COX6C: variants seen among roughly 807,000 people sequenced by gnomAD.
COX6C encodes the protein cytochrome c oxidase polypeptide VIc.
COX6C carries 3 observed loss-of-function variants against 6.9 expected under a neutral mutation model. The ratio of observed to expected loss-of-function variants is 0.43; its 90% CI spans 0.20 to 1.12. The LOEUF (loss-of-function observed/expected upper bound fraction) is 1.12, where lower values mean the gene tolerates loss of function less well. Among genes scored for constraint, COX6C ranks in the 50% most tolerant of loss-of-function variants. The probability of loss-of-function intolerance (pLI) is 0.27; values close to 1 mark genes in which losing one functional copy is unlikely to be tolerated. For missense variants in COX6C, 101 were observed against 97.3 expected, an observed-to-expected ratio of 1.04 and a Z score of -0.16; for synonymous variants, 32 against 32.0, an observed-to-expected ratio of 1.00 and a Z score of 0.00.
chr8:99,883,326 GCCT>G (rs1303539364), intron 3 of COX6C, among the ~76,000 whole-genome samples: 2 of 151,770 alleles, frequency 1.3e-5, no homozygotes, highest in Non-Finnish European at 2.9e-5. Context: ...TGAACCTCCT[GCCT>G]CAGCCTCCCA....
chr8:99,891,833 G>C, intron 2 of COX6C, 75 bp downstream of exon 2: 1 of 1,238,982 alleles, frequency 8.1e-7, no homozygotes, highest in Non-Finnish European at 1.2e-6. Flanking sequence ...TTACAAGGGG[G>C]AGTTTCTTTA....
rs1818058467 is a variant in COX6C, at chr8:99,891,910, T to G, written c.112A>C (p.Lys38Gln). The G allele has an allele frequency of 6.2e-7, 1 of 1,613,698 alleles. No homozygotes were observed. Among genetic ancestry groups the G allele is most frequent in the Admixed American group, 1.7e-5 (1 of 59,990 alleles). ...VLSLGVAALY[K>Q]FRVADQRKKA... ...CACAAAGTAAAAAACATACATACCT[T>G]ATACAAAGCTGCAACCCCCAGGGAT... The change falls in exon 2 of 4, where the codon AAG (lysine) becomes CAG (glutamine). Residue 38 changes from lysine to glutamine, a missense_variant and splice_region_variant. By Grantham distance (53) the Lys-to-Gln change is moderately conservative. Coordinates refer to ENST00000520468, the MANE Select transcript of COX6C (RefSeq NM_004374.4).
intron 3 of COX6C, among the ~76,000 whole-genome samples, chr8:99,883,437 G>C (rs937741284): frequency 7.5e-6 from 1 of 133,042 alleles, no homozygotes; most frequent in East Asian, 2.0e-4. Context: ...ATATGTATGT[G>C]TGTGTGTGTG....
chr8:99,885,057 GA>G (rs1817925911), intron 3 of COX6C, among the ~76,000 whole-genome samples: 1 of 152,184 alleles, frequency 6.6e-6, no homozygotes, highest in South Asian at 2.1e-4. Context: ...TGGGGTGAAA[GA>G]AAGAACAAAG....
chr8:99,888,438 G>A (rs1034177099), intron 2 of COX6C, among the ~76,000 whole-genome samples: 1 of 152,082 alleles, frequency 6.6e-6, no homozygotes, highest in Non-Finnish European at 1.5e-5. Context: ...AGGCATGGTG[G>A]TGGGCACCTG....
At chr8:99,888,124 A>T (rs1021359635) in intron 2 of COX6C, among the ~76,000 whole-genome samples, 1 of 148,624 alleles carries the variant, frequency 6.7e-6, no homozygotes, top group African/African-American at 2.5e-5. Context: ...ATAAAAAATA[A>T]AAAAAAAATA....
chr8:99,890,928 T>C (rs907601022), intron 2 of COX6C, among the ~76,000 whole-genome samples: 5 of 152,202 alleles, frequency 3.3e-5, no homozygotes, highest in African/African-American at 1.2e-4. Context: ...TAATAAAAAA[T>C]GCTACAAAAT....
intron 3 of COX6C, among the ~76,000 whole-genome samples, chr8:99,883,345 C>T (rs1425458295): frequency 6.6e-6 from 1 of 151,918 alleles, no homozygotes; most frequent in African/African-American, 2.4e-5. Flanking sequence ...TCCCAAGTAA[C>T]TGAGACTACA....
At chr8:99,887,322 G>T (rs1254620137) in intron 3 of COX6C, 168 bp downstream of exon 3, 1 of 465,466 alleles carries the variant, frequency 2.1e-6, no homozygotes, top group South Asian at 3.3e-5. Context: ...TGCTCATGTG[G>T]ACAAAGATCA....
intron 2 of COX6C, among the ~76,000 whole-genome samples, chr8:99,887,888 A>G (rs1817967840): frequency 6.6e-6 from 1 of 152,136 alleles, no homozygotes. Context: ...GGTTCAACAG[A>G]GAAAGAAAAA....
intron 2 of COX6C, among the ~76,000 whole-genome samples, chr8:99,889,440 T>A (rs148923371): frequency 6.7e-6 from 1 of 150,068 alleles, no homozygotes; most frequent in Non-Finnish European, 1.5e-5. Flanking sequence ...GGCTGGAGTG[T>A]AATGGTGCGA....
chr8:99,882,288 A>ATCTT (rs941197377), intron 3 of COX6C, among the ~76,000 whole-genome samples: 2 of 152,240 alleles, frequency 1.3e-5, no homozygotes, highest in Non-Finnish European at 2.9e-5. Context: ...TTTTCCCAAG[A>ATCTT]GAACATGGAA....
intron 3 of COX6C, among the ~76,000 whole-genome samples, chr8:99,881,927 G>C (rs771181685): frequency 9.9e-5 from 15 of 152,168 alleles, no homozygotes; most frequent in Non-Finnish European, 2.9e-5. Flanking sequence ...ACAGCAACCA[G>C]GAGAACAGGG....
chr8:99,886,420 G>C (rs182368992), intron 3 of COX6C: 1 of 152,244 alleles, frequency 6.6e-6, no homozygotes, highest in African/African-American at 2.4e-5. Flanking sequence ...GGGGAGGATG[G>C]AAAGAGTGTA....
chr8:99,889,102 G>A (rs1234583659), intron 2 of COX6C, among the ~76,000 whole-genome samples: 1 of 152,152 alleles, frequency 6.6e-6, no homozygotes, highest in Admixed American at 6.6e-5. Flanking sequence ...GCTAAACTAA[G>A]GAGCAAAAAT....
rs1204113154 is a variant in COX6C at position 99,877,981 on chromosome 8, C to T, written c.*300G>A. 1 of 152,124 alleles carries T rather than the reference C, an allele frequency of 6.6e-6. No homozygotes were observed. The highest frequency in any genetic ancestry group is 1.9e-4 in the East Asian group (1 of 5,192). 9.4% of individuals were successfully genotyped at this position (152,124 alleles called of 1,614,324 possible). A position where few individuals can be genotyped will look rare whatever the true frequency, so the allele number is the denominator to read the frequency against. ...TCCATAGCCCAAGACCAAGTAACTG[C>T]AATGAAACGGACAAACTATCACAGT... is the stretch of plus-strand genomic sequence containing the variant. On this transcript the variant is annotated 3_prime_UTR_variant, in exon 4 of 4. Coordinates refer to ENST00000520468, the MANE Select transcript of COX6C (RefSeq NM_004374.4).
rs1226079742 is a variant in COX6C, at chr8:99,887,536, C to T, written c.197G>A (p.Arg66Lys). Residue 66 changes from arginine (R) to lysine (K), a missense_variant, in exon 3 of 4, where the codon AGG (arginine) becomes AAG (lysine). Physicochemically the swap from Arg to Lys is conservative, Grantham distance 26. Coordinates refer to ENST00000520468, the MANE Select transcript of COX6C (RefSeq NM_004374.4). ...TACACTCTGAAAGATACCAGCCTTC[C>T]TCATCTCCTCAAAATCTTTCATGAC... ...YDVMKDFEEM[R>K]KAGIFQSVK The T allele has an allele frequency of 1.9e-6, 3 of 1,607,764 alleles. No homozygotes were observed. The highest frequency in any genetic ancestry group is 2.5e-6 in the Non-Finnish European group (3 of 1,177,610).
intron 2 of COX6C, among the ~76,000 whole-genome samples, 153 bp from the exon 3 acceptor site, chr8:99,887,771 A>G (rs1817966788): frequency 6.6e-6 from 1 of 152,196 alleles, no homozygotes; most frequent in African/African-American, 2.4e-5. Context: ...GTGACAGATA[A>G]AAAGGAAGAC....
At chr8:99,881,777 A>G (rs1368787616) in intron 3 of COX6C, among the ~76,000 whole-genome samples, 1 of 152,242 alleles carries the variant, frequency 6.6e-6, no homozygotes, top group Non-Finnish European at 1.5e-5. Context: ...ATGTAAATGG[A>G]TTAAATTCCC....
Sources: allele counts gnomAD v4.1 joint callset (sites outside exome capture counted in the v4.1 genomes callset), GRCh38; gene constraint gnomAD v4.1.1; transcripts MANE v1.5; gene names NCBI Gene and HGNC (gene_info 2026-07-23, HGNC 2026-07-21).